Variants in MYL1 observed in about 807,000 individuals in gnomAD.
The protein encoded by MYL1 is myosin light chain 1.
MYL1 carries 16 observed loss-of-function variants against 21.8 expected under a neutral mutation model. The ratio of observed to expected loss-of-function variants is 0.74; its 90% confidence interval spans 0.50 to 1.12. The LOEUF (loss-of-function observed/expected upper bound fraction) is 1.12. Among genes scored for constraint, MYL1 ranks in the 50% most tolerant of loss-of-function variants. MYL1 has a pLI of 0.00. For missense variants in MYL1, 246 were observed against 241.0 expected, an observed-to-expected ratio of 1.02 and a Z score of -0.14; for synonymous variants, 99 against 85.2, an observed-to-expected ratio of 1.16 and a Z score of -0.89.
chr2:210,313,394 C>T (rs891128502), intron 1 of MYL1, among the ~76,000 whole-genome samples: 1 of 151,930 alleles, frequency 6.6e-6, no homozygotes, highest in African/African-American at 2.4e-5. Flanking sequence ...ACTATCATGG[C>T]TATGATCTCA....
At chr2:210,305,151 A>ATATGTATATGTCTAGAAAGACATAT (rs1377820450) in intron 1 of MYL1, among the ~76,000 whole-genome samples, 1 of 152,224 alleles carries the variant, frequency 6.6e-6, no homozygotes, top group Non-Finnish European at 1.5e-5. Flanking sequence ...TATACTTTGT[A>ATATGTATATGTCTAGAAAGACATAT]ACTTCTCCTG....
intron 3 of MYL1, among the ~76,000 whole-genome samples, chr2:210,295,348 T>A (rs1480396705): frequency 6.6e-6 from 1 of 151,992 alleles, no homozygotes; most frequent in East Asian, 1.9e-4. Flanking sequence ...CATTTAAAGG[T>A]TTCAGCCAGG....
At chr2:210,313,618 T>C (rs922402377) in intron 1 of MYL1, among the ~76,000 whole-genome samples, 3 of 152,004 alleles carry the variant, frequency 2.0e-5, no homozygotes, top group Non-Finnish European at 4.4e-5. Context: ...GACCAATTTT[T>C]TTCAAATACT....
At chr2:210,303,321 G>C (rs1444900859) in intron 1 of MYL1, among the ~76,000 whole-genome samples, 3 of 152,106 alleles carry the variant, frequency 2.0e-5, no homozygotes, top group African/African-American at 7.2e-5. Flanking sequence ...GAAGCATAAA[G>C]CACAGCTCTT....
At chr2:210,307,554 T>G (rs1027602497) in intron 1 of MYL1, among the ~76,000 whole-genome samples, 2 of 152,206 alleles carry the variant, frequency 1.3e-5, no homozygotes, top group South Asian at 4.1e-4. Context: ...TGACCTGGAC[T>G]TCTAATTTTC....
intron 5 of MYL1, among the ~76,000 whole-genome samples, chr2:210,292,884 C>T (rs765261730): frequency 2.2e-4 from 33 of 152,052 alleles, no homozygotes; most frequent in South Asian, 4.1e-4. Flanking sequence ...AGTGTATTTA[C>T]GGTAATAGCC....
At chr2:210,297,193 A>G (rs1690187194) in intron 3 of MYL1, among the ~76,000 whole-genome samples, 2 of 151,838 alleles carry the variant, frequency 1.3e-5, no homozygotes, top group Admixed American at 6.6e-5. Flanking sequence ...ATACCCAGTG[A>G]TGGGATTGCT....
intron 6 of MYL1, among the ~76,000 whole-genome samples, chr2:210,290,681 T>C (rs1002357264): frequency 6.6e-6 from 1 of 152,198 alleles, no homozygotes; most frequent in African/African-American, 2.4e-5. Context: ...TGTTAAAAAC[T>C]ACTTTGGTTA....
chr2:210,309,404 G>A (rs1362809376), intron 1 of MYL1, among the ~76,000 whole-genome samples: 1 of 151,958 alleles, frequency 6.6e-6, no homozygotes, highest in Non-Finnish European at 1.5e-5. Context: ...TTGATAAGAT[G>A]TAGTTATATC....
intron 3 of MYL1, among the ~76,000 whole-genome samples, chr2:210,294,877 G>A (rs574666727): frequency 1.4e-4 from 22 of 152,114 alleles, no homozygotes; most frequent in African/African-American, 5.3e-4. Context: ...ACTCATTAGT[G>A]GATTAATACA....
At position 210,290,977 on chromosome 2, in the gene MYL1, T is replaced by TA. The variant is rs1223152430; in HGVS notation, c.*14+54dup. On this transcript the variant is annotated intron_variant, in intron 6 of 6. Transcript: ENST00000352451. Reference sequence around the variant, plus strand: ...CATATAAACTGAAGCTGTCAAGTTTTAAAAAACACAATATCAAGAAATCCT... The same window carrying TA: ...CATATAAACTGAAGCTGTCAAGTTTTAAAAAAACACAATATCAAGAAATCCT... 2.4e-5 allele frequency: 31 copies of TA among 1,277,284 alleles called. No homozygotes were observed. In the East Asian group the frequency reaches 5.0e-4, roughly 21 times the overall value. 79.1% of individuals were successfully genotyped at this position (1,277,284 alleles called of 1,614,324 possible).
intron 4 of MYL1, 46 bp downstream of exon 4, chr2:210,294,199 T>G (rs1690132606): frequency 1.3e-6 from 2 of 1,516,288 alleles, no homozygotes; most frequent in East Asian, 2.3e-5. Flanking sequence ...CATGTTCTTT[T>G]CTATATATTC....
chr2:210,302,191 T>C (rs186462417), intron 2 of MYL1, among the ~76,000 whole-genome samples: 14 of 152,188 alleles, frequency 9.2e-5, no homozygotes, highest in Non-Finnish European at 1.5e-4. Context: ...TTGGGATATA[T>C]ATATATATGT....
chr2:210,309,998 C>A (rs1408355119), intron 1 of MYL1, among the ~76,000 whole-genome samples: 1 of 151,976 alleles, frequency 6.6e-6, no homozygotes, highest in Non-Finnish European at 1.5e-5. Flanking sequence ...TTCTCTCCAC[C>A]TGTTCTCTTC....
chr2:210,315,079 G>C lies in MYL1; in HGVS notation c.-37C>G. ...AAAGGGTGGGTTAAAAAGAGAAGGAGTTCCTCCAAAAGAACCTGTCAAAAT... is the reference window on the plus strand; with the variant it reads ...AAAGGGTGGGTTAAAAAGAGAAGGACTTCCTCCAAAAGAACCTGTCAAAAT... On this transcript the variant is annotated 5_prime_UTR_variant, in exon 1 of 7. Coordinates refer to ENST00000352451, the MANE Select transcript of MYL1 (RefSeq NM_079420.3). 1 of 1,587,142 alleles carries C rather than the reference G, an allele frequency of 6.3e-7. No individual in the cohort carries two copies. Among genetic ancestry groups the C allele is most frequent in the Non-Finnish European group, 8.5e-7 (1 of 1,173,868 alleles).
intron 2 of MYL1, among the ~76,000 whole-genome samples, chr2:210,300,360 G>T (rs1690245532): frequency 6.6e-6 from 1 of 152,104 alleles, no homozygotes; most frequent in Non-Finnish European, 1.5e-5. Context: ...ACCAGGGCTG[G>T]TTATACTATT....
intron 1 of MYL1, among the ~76,000 whole-genome samples, chr2:210,308,169 G>A (rs932432278): frequency 6.6e-6 from 1 of 151,684 alleles, no homozygotes; most frequent in African/African-American, 2.4e-5. Flanking sequence ...ACACTGCTGT[G>A]TGCTCTCTGA....
chr2:210,299,221 T>C (rs1436198860), intron 2 of MYL1, among the ~76,000 whole-genome samples: 1 of 152,160 alleles, frequency 6.6e-6, no homozygotes. Context: ...CTCTTTATAC[T>C]TTACCCTTTT....
At chr2:210,306,919 T>A (rs1690348343) in intron 1 of MYL1, among the ~76,000 whole-genome samples, 1 of 152,036 alleles carries the variant, frequency 6.6e-6, no homozygotes, top group South Asian at 2.1e-4. Flanking sequence ...TGAACAAAGG[T>A]AAATTAATTG....
Sources: allele counts gnomAD v4.1 joint callset (sites outside exome capture counted in the v4.1 genomes callset), GRCh38; gene constraint gnomAD v4.1.1; transcripts MANE v1.5; gene names NCBI Gene and HGNC (gene_info 2026-07-23, HGNC 2026-07-21).